Variants in FGD6 observed in about 807,000 individuals in gnomAD.
FGD6 encodes the protein FYVE, RhoGEF and PH domain-containing protein 6.
A neutral mutation model predicts 149.4 loss-of-function variants in FGD6; 90 were observed. That is an observed-to-expected ratio of 0.60 (90% CI 0.51 to 0.72). The LOEUF is 0.72. Ranked by LOEUF, FGD6 falls within the 30% of genes least tolerant of loss-of-function variation. The probability of loss-of-function intolerance (pLI) is 0.00; values close to 1 mark genes in which losing one functional copy is unlikely to be tolerated. For missense variants in FGD6, 1,437 were observed against 1,684.8 expected (o/e 0.85, Z 2.57); for synonymous variants, 527 against 584.0 (o/e 0.90, Z 1.41).
chr12:95,198,864 G>A (rs1881794129), intron 2 of FGD6, among the ~76,000 whole-genome samples: 1 of 152,192 alleles, frequency 6.6e-6, no homozygotes, highest in Non-Finnish European at 1.5e-5. Flanking sequence ...CAGTTTGGGG[G>A]AAGAAAGTTT....
chr12:95,146,116 C>T (rs1880008855), intron 5 of FGD6, among the ~76,000 whole-genome samples: 2 of 152,178 alleles, frequency 1.3e-5, no homozygotes, highest in African/African-American at 2.4e-5. Flanking sequence ...CTCATTCCCT[C>T]ACCTCTTGGG....
intron 2 of FGD6, among the ~76,000 whole-genome samples, chr12:95,190,239 G>A (rs57456549): frequency 0.093 from 14,131 of 152,106 alleles, 881 homozygotes; most frequent in African/African-American, 0.17. Context: ...GCACAATCTC[G>A]GCTCACTGCA....
chr12:95,129,407 A>T (rs1433390126), intron 8 of FGD6, among the ~76,000 whole-genome samples: 1 of 152,048 alleles, frequency 6.6e-6, no homozygotes, highest in African/African-American at 2.4e-5. Flanking sequence ...CAATCTTATA[A>T]AAAAGAGCAA....
At chr12:95,092,406 A>G (rs1878086447) in intron 16 of FGD6, among the ~76,000 whole-genome samples, 1 of 152,204 alleles carries the variant, frequency 6.6e-6, no homozygotes, top group African/African-American at 2.4e-5. Context: ...ATAGCTGTAA[A>G]TGTGAGGGCC....
intron 8 of FGD6, among the ~76,000 whole-genome samples, chr12:95,129,335 C>G (rs565892423): frequency 1.9e-4 from 27 of 144,172 alleles, no homozygotes; most frequent in East Asian, 3.9e-4. Context: ...ATCCATCCAT[C>G]CATCCATCCA....
chr12:95,191,787 G>A lies in FGD6; in HGVS notation c.2441+17056C>T, dbSNP rs537561358. 7.9e-5 allele frequency among the ~76,000 whole-genome samples: 12 copies of A among 151,948 alleles called. 1 individual carries two copies. The South Asian group carries it at 2.5e-3, about 32-fold the overall frequency. On this transcript the variant is annotated intron_variant, in intron 2 of 20. Transcript: ENST00000343958. ...AGTTTCGTTCTTGTTGCCCAGGCTG[G>A]AGTGCAATAGCACGGTCTCAGCTCA...
chr12:95,120,614 G>C (rs1217903643), intron 8 of FGD6, among the ~76,000 whole-genome samples: 1 of 152,012 alleles, frequency 6.6e-6, no homozygotes, highest in Non-Finnish European at 1.5e-5. Context: ...TTAAACTCCG[G>C]AGGCAGAGGT....
chr12:95,113,377 C>T lies in FGD6; in HGVS notation c.3133+274G>A, dbSNP rs144927806. 3.2e-3 allele frequency among the ~76,000 whole-genome samples: 486 copies of T among 151,962 alleles called. 6 individuals are homozygous for T. The highest frequency in any genetic ancestry group is 0.011 in the African/African-American group (446 of 41,442). On this transcript the variant is annotated intron_variant, in intron 9 of 20. Transcript: ENST00000343958. ...CCTCCCAAGAAGCTGGGATTACAGA[C>T]GTGCACCATCACACCTGGCTAGTTT...
At chr12:95,141,894 C>T (rs949764904) in intron 5 of FGD6, among the ~76,000 whole-genome samples, 2 of 151,964 alleles carry the variant, frequency 1.3e-5, no homozygotes, top group Admixed American at 6.6e-5. Flanking sequence ...AAACACAATC[C>T]ATTTATTTTA....
chr12:95,090,520 T>C (rs1046567912), intron 17 of FGD6, among the ~76,000 whole-genome samples: 1 of 152,148 alleles, frequency 6.6e-6, no homozygotes, highest in Non-Finnish European at 1.5e-5. Flanking sequence ...ACAAAGATTT[T>C]TGATGATAAA....
At chr12:95,146,668 G>T (rs1211922448) in intron 5 of FGD6, among the ~76,000 whole-genome samples, 1 of 152,076 alleles carries the variant, frequency 6.6e-6, no homozygotes, top group East Asian at 1.9e-4. Context: ...TGTAGTTTCT[G>T]GTCATAATAA....
rs1237134359 is a variant in FGD6 at position 95,077,462 on chromosome 12, C to T, written c.*4058G>A. The T allele has an allele frequency of 6.6e-6, 1 of 152,272 alleles. No individual in the cohort carries two copies. Among genetic ancestry groups the T allele is most frequent in the Non-Finnish European group, 1.5e-5 (1 of 68,124 alleles). 9.4% of individuals were successfully genotyped at this position (152,272 alleles called of 1,614,324 possible). The stretch of plus-strand genomic sequence containing the variant: ...GGGTCAATGAGGAAGGAAAAGGAAA[C>T]TGTGTGAACAAAGAAAGGTTGGGTA... On this transcript the variant is annotated 3_prime_UTR_variant, in exon 21 of 21. Transcript: ENST00000343958.
chr12:95,145,731 G>C (rs1262895804), intron 5 of FGD6, among the ~76,000 whole-genome samples: 11 of 152,090 alleles, frequency 7.2e-5, no homozygotes, highest in Non-Finnish European at 1.0e-4. Flanking sequence ...AGGCTGGAGT[G>C]TGGTACGATC....
At chr12:95,116,677 G>A (rs1879025067) in intron 8 of FGD6, among the ~76,000 whole-genome samples, 1 of 152,196 alleles carries the variant, frequency 6.6e-6, no homozygotes, top group Non-Finnish European at 1.5e-5. Context: ...AAGTAACGGA[G>A]TTAGGTTTAC....
chr12:95,210,302 G>A lies in FGD6; in HGVS notation c.982C>T (p.Gln328Ter). 1 of 1,614,092 alleles carries A rather than the reference G, an allele frequency of 6.2e-7. No homozygotes were observed. The highest frequency in any genetic ancestry group is 8.5e-7 in the Non-Finnish European group (1 of 1,180,014). Residue 328 changes from glutamine to a stop codon, truncating the protein, a stop_gained, in exon 2 of 21, where the codon CAA becomes TAA. Transcript: ENST00000343958. LOFTEE classifies it high-confidence loss of function. ...TCACTAGGAGTATCTACACACTTTT[G>A]GCGTAACAGACGAGCAGTTCGTGTC... ...RKTRTARLLRQKCVDTPSEST... is the reference protein window; with the variant it reads ...RKTRTARLLR
At chr12:95,181,759 C>T (rs1190029809) in intron 2 of FGD6, among the ~76,000 whole-genome samples, 1 of 152,066 alleles carries the variant, frequency 6.6e-6, no homozygotes, top group African/African-American at 2.4e-5. Flanking sequence ...CAAGACCATC[C>T]TGGCTAATGC....
At chr12:95,119,473 T>C (rs1256938823) in intron 8 of FGD6, among the ~76,000 whole-genome samples, 2 of 152,188 alleles carry the variant, frequency 1.3e-5, no homozygotes, top group Non-Finnish European at 2.9e-5. Flanking sequence ...TTCTATTAGC[T>C]CTTTAGTGCA....
chr12:95,095,174 A>G (rs920887341), intron 14 of FGD6, among the ~76,000 whole-genome samples: 9 of 152,166 alleles, frequency 5.9e-5, no homozygotes, highest in African/African-American at 1.9e-4. Context: ...CACTGGGGTG[A>G]AGGGAACATA....
intron 5 of FGD6, among the ~76,000 whole-genome samples, chr12:95,147,071 G>T (rs1880039413): frequency 6.6e-6 from 1 of 152,164 alleles, no homozygotes; most frequent in East Asian, 1.9e-4. Flanking sequence ...GAATTACAAA[G>T]ACCAAATGAA....
Sources: gnomAD v4.1 joint callset for allele counts (sites outside exome capture counted in the v4.1 genomes callset) on GRCh38, gnomAD v4.1.1 for gene constraint, MANE v1.5 for transcripts, NCBI Gene and HGNC (gene_info 2026-07-23, HGNC 2026-07-21) for gene names.